Variants in TIGD7 observed in about 807,000 individuals in gnomAD.
The protein encoded by TIGD7 is tigger transposable element derived 7.
A neutral mutation model predicts 24.8 loss-of-function variants in TIGD7; 26 were observed. The observed-to-expected ratio is 1.05, with a 90% CI of 0.77 to 1.45. The LOEUF (loss-of-function observed/expected upper bound fraction) is 1.45. Among genes scored for constraint, TIGD7 ranks in the 40% most tolerant of loss-of-function variants. TIGD7 has a pLI of 0.00. For missense variants in TIGD7, 679 were observed against 641.6 expected (o/e 1.06, Z -0.63); for synonymous variants, 221 against 224.1 (o/e 0.99, Z 0.12).
rs1341760403 is a variant in TIGD7 at position 3,299,299 on chromosome 16, A to C, written c.1316T>G (p.Val439Gly). Reference protein sequence around the residue: ...ELETKLDDDRVWLNGDEEKGC... With the variant: ...ELETKLDDDRGWLNGDEEKGC... ...CTTTTCTTCATCTCCATTTAACCAC[A>C]CCCTATCATCATCCAACTTAGTTTC... The change falls in exon 2 of 2, where the codon GTG becomes GGG. Residue 439 changes from valine to glycine, a missense_variant. By Grantham distance (109) the Val-to-Gly change is moderately radical. Transcript: ENST00000396862. 1 of 1,609,180 alleles carries C rather than the reference A, an allele frequency of 6.2e-7. No homozygotes were observed. The highest frequency in any genetic ancestry group is 8.5e-7 in the Non-Finnish European group (1 of 1,178,400).
Position 3,299,096 on chromosome 16 carries a change from T to C in TIGD7, c.1519A>G (p.Met507Val), listed in dbSNP as rs748437181. 1 of 1,429,412 alleles carries C rather than the reference T, an allele frequency of 7.0e-7. No homozygotes were observed. 88.5% of individuals were successfully genotyped at this position (1,429,412 alleles called of 1,614,324 possible). A position where few individuals can be genotyped will look rare whatever the true frequency, so the allele number is the denominator to read the frequency against. Residue 507 changes from methionine (M) to valine (V), a missense_variant, in exon 2 of 2, where the codon ATG (methionine) becomes GTG (valine). Transcript: ENST00000396862. ...FQRFHFTLKE[M>V]QQEIVKKQFQ... is the part of the protein sequence containing the mutation. The stretch of plus-strand genomic sequence containing the variant: ...TGTTTCTTGACTATTTCTTGTTGCA[T>C]CTCTTTCAGTGTGAAGTGGAATCTC...
At position 3,300,783 on chromosome 16, in the gene TIGD7, G is replaced by T; in HGVS notation, c.-169C>A. 8.2e-7 allele frequency: 1 copy of T among 1,212,198 alleles called. No individual in the cohort carries two copies. The highest frequency in any genetic ancestry group is 1.1e-6 in the Non-Finnish European group (1 of 900,434). 75.1% of individuals were successfully genotyped at this position (1,212,198 alleles called of 1,614,324 possible). On this transcript the variant is annotated 5_prime_UTR_variant, in exon 2 of 2. Coordinates refer to ENST00000396862, the MANE Select transcript of TIGD7 (RefSeq NM_033208.4). ...TGAAGGGGCTAACCATGACTGAAGA[G>T]CTAGTCTAGAGGTGGAGGTCTTATG...
chr16:3,302,888 A>T (rs1959980883), intron 1 of TIGD7, among the ~76,000 whole-genome samples: 1 of 127,896 alleles, frequency 7.8e-6, no homozygotes, highest in African/African-American at 3.1e-5. Flanking sequence ...CCCAGGCTGG[A>T]GTGCAGTGAC....
Position 3,298,834 on chromosome 16 carries a change from A to G in TIGD7, c.*131T>C. 2.5e-6 allele frequency: 1 copy of G among 406,594 alleles called. No homozygotes were observed. Among genetic ancestry groups the G allele is most frequent in the Non-Finnish European group, 4.3e-6 (1 of 231,628 alleles). The allele number at this position is 406,594 out of a possible 1,614,324, so 25.2% of individuals were successfully genotyped here. Reference sequence around the variant, plus strand: ...AAATTTAAAGAAACACAAATGTATTATTTTCAAACTGTAAATTTTATAACC... The same window carrying G: ...AAATTTAAAGAAACACAAATGTATTGTTTTCAAACTGTAAATTTTATAACC... On this transcript the variant is annotated 3_prime_UTR_variant, in exon 2 of 2. Coordinates refer to ENST00000396862, the MANE Select transcript of TIGD7 (RefSeq NM_033208.4).
rs749201716 is a variant in TIGD7 at position 3,299,908 on chromosome 16, T to C, written c.707A>G (p.Lys236Arg). The C allele has an allele frequency of 2.5e-6, 4 of 1,611,390 alleles. No homozygotes were observed. The highest frequency in any genetic ancestry group is 1.7e-5 in the Admixed American group (1 of 59,610). Residue 236 changes from lysine to arginine, a missense_variant, in exon 2 of 2, where the codon AAA (lysine) becomes AGA (arginine). Lys to Arg is a conservative substitution (Grantham distance 26). Coordinates refer to ENST00000396862, the MANE Select transcript of TIGD7 (RefSeq NM_033208.4). Reference sequence around the variant, plus strand: ...TGTACTTGTGTCCTCTTTCACACTTTTGGGCAGTTTTGATTTTCCAATAAT... The same window carrying C: ...TGTACTTGTGTCCTCTTTCACACTTCTGGGCAGTTTTGATTTTCCAATAAT... The part of the protein sequence containing the change: ...SIIIGKSKLP[K>R]SVKEDTSTLP...
intron 1 of TIGD7, among the ~76,000 whole-genome samples, chr16:3,302,381 C>T (rs537595905): frequency 1.3e-5 from 2 of 152,304 alleles, no homozygotes; most frequent in Non-Finnish European, 2.9e-5. Context: ...CCGCCTCAGC[C>T]TCCCAAAGTG....
chr16:3,304,967 G>C (rs1029926717), intron 1 of TIGD7: 2 of 152,230 alleles, frequency 1.3e-5, no homozygotes, highest in Non-Finnish European at 2.9e-5. Context: ...GATAGAAAAA[G>C]AACCTATTTC....
chr16:3,302,752 A>C (rs760989970), intron 1 of TIGD7, among the ~76,000 whole-genome samples: 7 of 152,174 alleles, frequency 4.6e-5, no homozygotes, highest in Non-Finnish European at 7.3e-5. Context: ...CCTAGCAAAA[A>C]TATTCAGGCC....
chr16:3,298,855 T>G lies in TIGD7; in HGVS notation c.*110A>C, dbSNP rs1213930338. ...TATTATTTTCAAACTGTAAATTTTA[T>G]AACCATTATATAAATGGGCACTGAT... On this transcript the variant is annotated 3_prime_UTR_variant, in exon 2 of 2. Coordinates refer to ENST00000396862, the MANE Select transcript of TIGD7 (RefSeq NM_033208.4). 2.4e-6 allele frequency: 1 copy of G among 418,004 alleles called. No individual in the cohort carries two copies. The highest frequency in any genetic ancestry group is 4.2e-6 in the Non-Finnish European group (1 of 237,340). 25.9% of individuals were successfully genotyped at this position (418,004 alleles called of 1,614,324 possible).
chr16:3,304,115 C>A (rs1206772254), intron 1 of TIGD7, among the ~76,000 whole-genome samples: 2 of 152,156 alleles, frequency 1.3e-5, no homozygotes, highest in Non-Finnish European at 2.9e-5. Context: ...GGATTACAGG[C>A]GTAAGCCACC....
At chr16:3,302,599 C>G (rs1389760650) in intron 1 of TIGD7, among the ~76,000 whole-genome samples, 1 of 152,136 alleles carries the variant, frequency 6.6e-6, no homozygotes, top group Non-Finnish European at 1.5e-5. Flanking sequence ...GATCAAGCAA[C>G]TTTCTAAATG....
rs1325724226 is a variant in TIGD7 at position 3,302,023 on chromosome 16, A to G, written c.-1395-14T>C. 6.1e-6 allele frequency: 1 copy of G among 165,132 alleles called. No homozygotes were observed. The highest frequency in any genetic ancestry group is 1.9e-4 in the East Asian group (1 of 5,208). The allele number at this position is 165,132 out of a possible 1,614,324, so 10.2% of individuals were successfully genotyped here. ...CCATTCCAGGTGCTACGAAGAAAGA[A>G]AAGTATGTCAGAGAAATAAGGGAAA... On this transcript the variant is annotated splice_polypyrimidine_tract_variant and intron_variant, in intron 1 of 1. Coordinates refer to ENST00000396862, the MANE Select transcript of TIGD7 (RefSeq NM_033208.4).
rs375326931 is a variant in TIGD7, at chr16:3,300,676, CA to C, written c.-63del. 904 of 1,302,766 alleles carry C rather than the reference CA, an allele frequency of 6.9e-4. No individual in the cohort carries two copies. Among genetic ancestry groups the C allele is most frequent in the Admixed American group, 2.3e-3 (84 of 36,106 alleles). The allele number at this position is 1,302,766 out of a possible 1,614,324, so 80.7% of individuals were successfully genotyped here. On this transcript the variant is annotated 5_prime_UTR_variant, in exon 2 of 2. The change abolishes the stop of an existing upstream ORF in the 5' untranslated region. Transcript: ENST00000396862. ...AAAGGGAAAAGCCTTAATGAATTGG[CA>C]AAAAAAAAACCCACATTTTTTAAAC...
chr16:3,299,182 G>T lies in TIGD7; in HGVS notation c.1433C>A (p.Ser478Tyr). The T allele has an allele frequency of 1.3e-6, 2 of 1,591,532 alleles. No individual in the cohort carries two copies. The highest frequency in any genetic ancestry group is 1.7e-6 in the Non-Finnish European group (2 of 1,171,588). Residue 478 changes from serine (S) to tyrosine (Y), a missense_variant, in exon 2 of 2, where the codon TCT becomes TAT. Transcript: ENST00000396862. ...AEKQTAEFKL[S>Y]AVRESLDYLL... ...GTAGTCCAAACTCTCTCTTACAGCAGATAATTTAAATTCAGCAGTCTGCTT... is the reference window on the plus strand; with the variant it reads ...GTAGTCCAAACTCTCTCTTACAGCATATAATTTAAATTCAGCAGTCTGCTT...
chr16:3,299,041 C>T lies in TIGD7; in HGVS notation c.1574G>A (p.Gly525Asp). The change falls in exon 2 of 2, where the codon GGT (glycine) becomes GAT (aspartate). Residue 525 changes from glycine (G) to aspartate (D), a missense_variant. Physicochemically the swap from Gly to Asp is moderately conservative, Grantham distance 94. Coordinates refer to ENST00000396862, the MANE Select transcript of TIGD7 (RefSeq NM_033208.4). The part of the protein sequence containing the change: ...QFQSKIHSRI[G>D]SFLKPRPHNI... ...ATGAGGCCTAGGTTTCAAAAAGCTA[C>T]CAATTCTAGAATGGATTTTACTCTG... 1.4e-6 allele frequency: 2 copies of T among 1,379,662 alleles called. No individual in the cohort carries two copies. Among genetic ancestry groups the T allele is most frequent in the Non-Finnish European group, 1.9e-6 (2 of 1,060,274 alleles). 85.5% of individuals were successfully genotyped at this position (1,379,662 alleles called of 1,614,324 possible). A position where few individuals can be genotyped will look rare whatever the true frequency, so the allele number is the denominator to read the frequency against.
Position 3,299,528 on chromosome 16 carries a change from T to C in TIGD7, c.1087A>G (p.Lys363Glu), listed in dbSNP as rs1959870321. 6.5e-7 allele frequency: 1 copy of C among 1,529,764 alleles called. No individual in the cohort carries two copies. The highest frequency in any genetic ancestry group is 8.7e-7 in the Non-Finnish European group (1 of 1,143,082). 94.8% of individuals were successfully genotyped at this position (1,529,764 alleles called of 1,614,324 possible). A position where few individuals can be genotyped will look rare whatever the true frequency, so the allele number is the denominator to read the frequency against. ...ATTTTGGAAACTCCTTTATCTCCTT[T>C]CTCTTGCTCATCATCACTTTCTTCA... ...IFEESDDEQE[K>E]GDKGVSKIKI... Residue 363 changes from lysine (K) to glutamate (E), a missense_variant, in exon 2 of 2, where the codon AAA becomes GAA. Physicochemically the swap from Lys to Glu is moderately conservative, Grantham distance 56 (BLOSUM62 1). Coordinates refer to ENST00000396862, the MANE Select transcript of TIGD7 (RefSeq NM_033208.4).
In TIGD7 at chr16:3,300,466, T is replaced by G; in HGVS notation, c.149A>C (p.Lys50Thr). ...STFYDIKKNK[K>T]LILDFVLKQD... The stretch of plus-strand genomic sequence containing the variant: ...CTTCAGTACAAAGTCCAGAATTAAC[T>G]TCTTATTTTTTTTAATGTCATAAAA... Residue 50 changes from lysine (K) to threonine (T), a missense_variant, in exon 2 of 2, where the codon AAG becomes ACG. Lys to Thr is a moderately conservative substitution (Grantham distance 78). Transcript: ENST00000396862. 6.2e-7 allele frequency: 1 copy of G among 1,613,580 alleles called. No individual in the cohort carries two copies. The highest frequency in any genetic ancestry group is 1.3e-5 in the African/African-American group (1 of 75,000).
Position 3,300,509 on chromosome 16 carries a change from C to A in TIGD7, c.106G>T (p.Gly36Ter), listed in dbSNP as rs1255108189. The change falls in exon 2 of 2, where the codon GGA (glycine) becomes TGA (stop). Residue 36 changes from glycine to a stop codon, truncating the protein, a stop_gained. Coordinates refer to ENST00000396862, the MANE Select transcript of TIGD7 (RefSeq NM_033208.4). LOFTEE classifies it high-confidence loss of function. ...TCATAAAATGTTGACTTACTGATTC[C>A]AAATTCATCCATTACACTTTTAAGT... Reference protein sequence around the residue: ...RSLKSVMDEFGISKSTFYDIK... With the variant: ...RSLKSVMDEF The A allele has an allele frequency of 6.2e-7, 1 of 1,613,828 alleles. No homozygotes were observed. The highest frequency in any genetic ancestry group is 8.5e-7 in the Non-Finnish European group (1 of 1,180,026).
In TIGD7 at chr16:3,299,483, T is replaced by C. The variant is rs1248887902; in HGVS notation, c.1132A>G (p.Ser378Gly). 20 of 1,550,346 alleles carry C rather than the reference T, an allele frequency of 1.3e-5. No homozygotes were observed. The highest frequency in any genetic ancestry group is 2.2e-5 in the Admixed American group (1 of 46,194). The change falls in exon 2 of 2, where the codon AGT becomes GGT. Residue 378 changes from serine (S) to glycine (G), a missense_variant. Transcript: ENST00000396862. ...VSKIKIYNIK[S>G]AIFNWAKSWE... ...CTTTTTGCCCAGTTAAAAATTGCAC[T>C]TTTTATATTGTAGATTTTAATTTTG...
Sources: gnomAD v4.1 joint callset for allele counts (sites outside exome capture counted in the v4.1 genomes callset) on GRCh38, gnomAD v4.1.1 for gene constraint, MANE v1.5 for transcripts, NCBI Gene and HGNC (gene_info 2026-07-23, HGNC 2026-07-21) for gene names.